The following MALRD1 variants were observed in gnomAD, a reference collection of about 807,000 sequenced individuals.
MALRD1 encodes the protein MAM and LDL receptor class A domain containing 1, also known as MAM and LDL-receptor class A domain-containing protein 1.
MALRD1 carries 247 observed loss-of-function variants against 242.1 expected under a neutral mutation model. The observed-to-expected ratio is 1.02, with a 90% CI of 0.92 to 1.13. The LOEUF is 1.13. Ranked by LOEUF, MALRD1 falls within the 50% of genes most tolerant of loss-of-function variation. MALRD1 has a pLI of 0.00. For missense variants in MALRD1, 2,989 were observed against 2,533.1 expected, an observed-to-expected ratio of 1.18 and a Z score of -3.86; for synonymous variants, 995 against 866.6, an observed-to-expected ratio of 1.15 and a Z score of -2.60.
intron 31 of MALRD1, among the ~76,000 whole-genome samples, chr10:19,523,899 A>C (rs1249515321): frequency 6.6e-6 from 1 of 152,174 alleles, no homozygotes; most frequent in Non-Finnish European, 1.5e-5. Context: ...ACATTCTGGT[A>C]AAAAAGTGTT....
chr10:19,548,287 C>T (rs1244061586), intron 32 of MALRD1, among the ~76,000 whole-genome samples: 1 of 152,012 alleles, frequency 6.6e-6, no homozygotes, highest in Admixed American at 6.6e-5. Flanking sequence ...GCGTGAACCA[C>T]CACGCCTGGC....
rs1836696383 is a variant in MALRD1 at position 19,204,356 on chromosome 10, C to G, written c.2153C>G (p.Ala718Gly). 3 of 1,540,184 alleles carry G rather than the reference C, an allele frequency of 1.9e-6. No homozygotes were observed. In the African/African-American group the frequency reaches 4.2e-5, roughly 22 times the overall value. ...LKKSSSLWQV[A>G]KLQSPTFSQT... ...AAAAGCAGCAGCTTGTGGCAAGTTG[C>G]TAAGCTTCAGAGCCCAACTTTCAGC... The change falls in exon 16 of 40, where the codon GCT (alanine) becomes GGT (glycine). Residue 718 changes from alanine (A) to glycine (G), a missense_variant. Coordinates refer to ENST00000454679, the MANE Select transcript of MALRD1 (RefSeq NM_001142308.3).
At chr10:19,362,891 G>A (rs1844950428) in intron 26 of MALRD1, among the ~76,000 whole-genome samples, 1 of 151,950 alleles carries the variant, frequency 6.6e-6, no homozygotes, top group South Asian at 2.1e-4. Flanking sequence ...AGCAAGAGGT[G>A]GTTAAGTGAA....
intron 29 of MALRD1, among the ~76,000 whole-genome samples, chr10:19,457,041 G>A (rs771847347): frequency 5.3e-4 from 81 of 152,244 alleles, no homozygotes; most frequent in Non-Finnish European, 1.1e-3. Context: ...AATTCTTCAT[G>A]GTAACTACTC....
intron 24 of MALRD1, among the ~76,000 whole-genome samples, chr10:19,345,448 T>G (rs1564580297): frequency 6.6e-6 from 1 of 152,108 alleles, no homozygotes; most frequent in Non-Finnish European, 1.5e-5. Context: ...AGATGCTGAG[T>G]TGGGGTTCAT....
intron 29 of MALRD1, among the ~76,000 whole-genome samples, chr10:19,452,977 C>T (rs769901879): frequency 2.0e-5 from 3 of 152,160 alleles, no homozygotes; most frequent in Admixed American, 6.5e-5. Flanking sequence ...GTATTTTCAT[C>T]ATACGTTTAC....
At chr10:19,594,144 A>G (rs544155594) in intron 33 of MALRD1, among the ~76,000 whole-genome samples, 5 of 152,190 alleles carry the variant, frequency 3.3e-5, no homozygotes, top group Non-Finnish European at 7.3e-5. Flanking sequence ...CTGGGAGTGC[A>G]TCTTTCCAAA....
chr10:19,197,315 C>T (rs1044452889), intron 14 of MALRD1, among the ~76,000 whole-genome samples: 15 of 151,574 alleles, frequency 9.9e-5, no homozygotes, highest in African/African-American at 3.6e-4. Context: ...CTCGAATTCT[C>T]ATTTCTTGTC....
chr10:19,074,730 G>A, intron 2 of MALRD1, among the ~76,000 whole-genome samples: 1 of 151,938 alleles, frequency 6.6e-6, no homozygotes, highest in East Asian at 1.9e-4. Context: ...TTGAAAAATA[G>A]AAATATTTTT....
At chr10:19,721,172 G>T (rs551408700) in intron 38 of MALRD1, among the ~76,000 whole-genome samples, 1 of 152,078 alleles carries the variant, frequency 6.6e-6, no homozygotes, top group Non-Finnish European at 1.5e-5. Context: ...TTAAAAATTG[G>T]TATAATTAAA....
Position 19,615,846 on chromosome 10 carries a change from C to G in MALRD1, c.6071-11C>G. ...ATAATTAACTGGTGTCTTTGTGATG[C>G]TTCTTTTTAGAATGTCCATTAAATT... On this transcript the variant is annotated splice_polypyrimidine_tract_variant and intron_variant, in intron 35 of 39. Coordinates refer to ENST00000454679, the MANE Select transcript of MALRD1 (RefSeq NM_001142308.3). 6.6e-7 allele frequency: 1 copy of G among 1,523,476 alleles called. No individual in the cohort carries two copies. Among genetic ancestry groups the G allele is most frequent in the Middle Eastern group, 1.7e-4 (1 of 5,906 alleles). The allele number at this position is 1,523,476 out of a possible 1,614,324, so 94.4% of individuals were successfully genotyped here. A position where few individuals can be genotyped will look rare whatever the true frequency, so the allele number is the denominator to read the frequency against.
chr10:19,148,833 C>A (rs1833825602), intron 11 of MALRD1, among the ~76,000 whole-genome samples: 1 of 140,492 alleles, frequency 7.1e-6, no homozygotes, highest in Admixed American at 7.1e-5. Flanking sequence ...GTCAACATCT[C>A]TTTACCCATG....
chr10:19,051,666 T>G (rs1243447607), intron 1 of MALRD1: 2 of 153,134 alleles, frequency 1.3e-5, no homozygotes, highest in African/African-American at 4.8e-5. Context: ...GGCTCACGCC[T>G]GTAATCCCAG....
chr10:19,121,645 T>C (rs1312036067), intron 5 of MALRD1, among the ~76,000 whole-genome samples: 2 of 152,220 alleles, frequency 1.3e-5, no homozygotes, highest in African/African-American at 4.8e-5. Flanking sequence ...GCAGTATGAT[T>C]CCTTAAATAG....
At chr10:19,076,401 T>C (rs1427674677) in intron 2 of MALRD1, among the ~76,000 whole-genome samples, 1 of 152,030 alleles carries the variant, frequency 6.6e-6, no homozygotes, top group Non-Finnish European at 1.5e-5. Flanking sequence ...TAATCCAAGG[T>C]CATAGACTTA....
intron 32 of MALRD1, 46 bp downstream of exon 32, chr10:19,531,397 CAT>C: frequency 6.9e-7 from 1 of 1,441,230 alleles, no homozygotes; most frequent in South Asian, 1.4e-5. Flanking sequence ...ATATGCATGA[CAT>C]GTTTAAACAT....
chr10:19,188,904 G>A (rs1182588198), intron 14 of MALRD1, among the ~76,000 whole-genome samples: 1 of 151,966 alleles, frequency 6.6e-6, no homozygotes, highest in Non-Finnish European at 1.5e-5. Flanking sequence ...TTTGAAGGCA[G>A]GTAGAAGTGA....
intron 13 of MALRD1, among the ~76,000 whole-genome samples, chr10:19,168,900 C>G (rs1391391068): frequency 6.6e-6 from 1 of 152,118 alleles, no homozygotes; most frequent in Non-Finnish European, 1.5e-5. Context: ...TGCCTCCCCA[C>G]TTAATCTGCC....
intron 13 of MALRD1, among the ~76,000 whole-genome samples, chr10:19,172,054 TC>T (rs1253283603): frequency 1.8e-5 from 1 of 56,778 alleles, no homozygotes; most frequent in East Asian, 8.7e-4. Context: ...ATATCATATA[TC>T]ACATATATGT....
Sources: gnomAD v4.1 joint callset for allele counts (sites outside exome capture counted in the v4.1 genomes callset) on GRCh38, gnomAD v4.1.1 for gene constraint, MANE v1.5 for transcripts, NCBI Gene and HGNC (gene_info 2026-07-23, HGNC 2026-07-21) for gene names.